LMO3: variants seen among roughly 807,000 people sequenced by gnomAD.
LMO3 encodes LIM domain only protein 3.
In LMO3, 2 loss-of-function variants were observed where a neutral mutation model predicts 15.8. The ratio of observed to expected loss-of-function variants is 0.13; its 90% CI spans 0.05 to 0.40. The LOEUF (loss-of-function observed/expected upper bound fraction) is 0.40. Ranked by LOEUF, LMO3 falls within the 10% of genes least tolerant of loss-of-function variation. The pLI is 0.99. For missense variants in LMO3, 86 were observed against 182.2 expected, an observed-to-expected ratio of 0.47 and a Z score of 3.04; for synonymous variants, 62 against 63.8, an observed-to-expected ratio of 0.97 and a Z score of 0.13.
intron 3 of LMO3, among the ~76,000 whole-genome samples, chr12:16,553,059 A>C (rs529487553): frequency 6.6e-6 from 1 of 152,122 alleles, no homozygotes; most frequent in Non-Finnish European, 1.5e-5. Context: ...TCTTACCTCA[A>C]TGTTTGAAAC....
In LMO3 at chr12:16,584,251, T is replaced by C. The variant is rs1206641826; in HGVS notation, c.206+16404A>G. On this transcript the variant is annotated intron_variant, in intron 2 of 3. Coordinates refer to ENST00000537304, the MANE Select transcript of LMO3 (RefSeq NM_018640.5). This position sits in a 1 kb window ranked among gnomAD's most constrained non-coding sequence, Gnocchi z 5.2. ...TGGGGAGAGTTATGTGTATCTAAGA[T>C]TGCCAGTTTCTCCTCTTGGCTTCAT... is the stretch of plus-strand genomic sequence containing the variant. 6.6e-6 allele frequency among the ~76,000 whole-genome samples: 1 copy of C among 152,160 alleles called. No individual in the cohort carries two copies. The highest frequency in any genetic ancestry group is 2.4e-5 in the African/African-American group (1 of 41,452).
chr12:16,606,444 G>A (rs1296198073), upstream of LMO3: 2 of 152,384 alleles, frequency 1.3e-5, no homozygotes, highest in African/African-American at 4.8e-5. Flanking sequence ...AGGTCACTCA[G>A]TTATTAGTGA....
At chr12:16,578,818 A>AAACAACAACAACAAC (rs201327858) in intron 2 of LMO3, among the ~76,000 whole-genome samples, 11 of 141,044 alleles carry the variant, frequency 7.8e-5, no homozygotes, top group African/African-American at 2.5e-4. Context: ...ATTCTGTCTC[A>AAACAACAACAACAAC]AACAACAACA....
intron 3 of LMO3, among the ~76,000 whole-genome samples, chr12:16,553,815 G>A (rs980793902): frequency 1.1e-4 from 16 of 151,434 alleles, no homozygotes; most frequent in Non-Finnish European, 2.2e-4. Context: ...TGTAAGAAAT[G>A]CTAATTTCCA....
intron 2 of LMO3, among the ~76,000 whole-genome samples, chr12:16,565,066 AGT>A (rs1181756770): frequency 2.6e-5 from 4 of 152,188 alleles, no homozygotes; most frequent in African/African-American, 9.7e-5. Flanking sequence ...ATCAAATTAT[AGT>A]GTGAGCCACT....
intron 2 of LMO3, among the ~76,000 whole-genome samples, chr12:16,577,702 A>AT (rs1943037807): frequency 1.3e-5 from 2 of 152,200 alleles, no homozygotes; most frequent in South Asian, 2.1e-4. Flanking sequence ...CTAGAGGAGA[A>AT]TTTTTTTCCT....
chr12:16,598,008 T>C lies in LMO3; in HGVS notation c.206+2647A>G, dbSNP rs1943710797. 6.6e-6 allele frequency: 1 copy of C among 152,032 alleles called. No individual in the cohort carries two copies. Among genetic ancestry groups the C allele is most frequent in the Non-Finnish European group, 1.5e-5 (1 of 67,932 alleles). 9.4% of individuals were successfully genotyped at this position (152,032 alleles called of 1,614,324 possible). ...AGCTAATTTCACCCATTGCCTGAAA[T>C]CATACCTCTCACACAGTAAGCATTT... On this transcript the variant is annotated intron_variant, in intron 2 of 3. Coordinates refer to ENST00000537304, the MANE Select transcript of LMO3 (RefSeq NM_018640.5). The surrounding 1 kb of genome is among the most constrained non-coding windows in gnomAD (Gnocchi z 4.3).
intron 2 of LMO3, among the ~76,000 whole-genome samples, chr12:16,577,583 C>T (rs188776045): frequency 2.3e-4 from 35 of 152,156 alleles, no homozygotes; most frequent in Middle Eastern, 6.8e-3. Flanking sequence ...TAAGAATTTC[C>T]CCTGTTCACA....
chr12:16,570,469 A>G (rs1014874375), intron 2 of LMO3, among the ~76,000 whole-genome samples: 1 of 151,848 alleles, frequency 6.6e-6, no homozygotes, highest in Non-Finnish European at 1.5e-5. Context: ...AAAGAAAAAT[A>G]AAGAAAATGA....
Position 16,593,206 on chromosome 12 carries a change from T to C in LMO3, c.206+7449A>G, listed in dbSNP as rs572752962. ...GGACGATGCTTCACTGCATTAGTGA[T>C]AACAATTTTACTTAAATATTGCTTT... On this transcript the variant is annotated intron_variant, in intron 2 of 3. Coordinates refer to ENST00000537304, the MANE Select transcript of LMO3 (RefSeq NM_018640.5). This position sits in a 1 kb window ranked among gnomAD's most constrained non-coding sequence, Gnocchi z 4.2. Among the ~76,000 whole-genome samples the C allele has an allele frequency of 6.6e-6, 1 of 152,038 alleles. No individual in the cohort carries two copies. The highest frequency in any genetic ancestry group is 6.6e-5 in the Admixed American group (1 of 15,248).
intron 2 of LMO3, among the ~76,000 whole-genome samples, chr12:16,575,256 A>G (rs1192506605): frequency 2.0e-5 from 3 of 152,162 alleles, no homozygotes; most frequent in Non-Finnish European, 4.4e-5. Flanking sequence ...AGCTTTGTTT[A>G]TCTTCAAAAA....
rs999222670 is a variant in LMO3, at chr12:16,576,263, G to C, written c.207-15725C>G. Among the ~76,000 whole-genome samples, 3 of 152,056 alleles carry C rather than the reference G, an allele frequency of 2.0e-5. No individual in the cohort carries two copies. The highest frequency in any genetic ancestry group is 4.4e-5 in the Non-Finnish European group (3 of 68,014). ...CTACTGTATGCAGGATAGATGCAGG[G>C]AAGCATGAAAGGTCCATCCTGTCTG... On this transcript the variant is annotated intron_variant, in intron 2 of 3. Transcript: ENST00000537304. The surrounding 1 kb of genome is among the most constrained non-coding windows in gnomAD (Gnocchi z 4.1).
chr12:16,590,690 G>A (rs1943465946), intron 2 of LMO3, among the ~76,000 whole-genome samples: 1 of 151,972 alleles, frequency 6.6e-6, no homozygotes, highest in African/African-American at 2.4e-5. Flanking sequence ...TGTGTTGGCA[G>A]TCCTAGCTCA....
At chr12:16,583,931 A>C (rs1377735890) in intron 2 of LMO3, among the ~76,000 whole-genome samples, 1 of 152,216 alleles carries the variant, frequency 6.6e-6, no homozygotes, top group Non-Finnish European at 1.5e-5. Flanking sequence ...GTCTGAAATC[A>C]AAGATCAGTG....
intron 2 of LMO3, among the ~76,000 whole-genome samples, chr12:16,564,748 T>C (rs1371757976): frequency 6.6e-6 from 1 of 152,186 alleles, no homozygotes; most frequent in African/African-American, 2.4e-5. Flanking sequence ...ATCAGATCAG[T>C]AGTCAAGCAA....
rs544756652 is a variant in LMO3 at position 16,587,908 on chromosome 12, T to C, written c.206+12747A>G. Among the ~76,000 whole-genome samples, 2 of 152,246 alleles carry C rather than the reference T, an allele frequency of 1.3e-5. No individual in the cohort carries two copies. The highest frequency in any genetic ancestry group is 4.1e-4 in the South Asian group (2 of 4,830). The stretch of plus-strand genomic sequence containing the variant: ...TCCACAAGCATTGCTACATTTCTCA[T>C]GAAAGAAAACCTTGATTTAATTTTA... On this transcript the variant is annotated intron_variant, in intron 2 of 3. Transcript: ENST00000537304. This position sits in a 1 kb window ranked among gnomAD's most constrained non-coding sequence, Gnocchi z 4.3.
Position 16,603,437 on chromosome 12 carries a change from A to C in LMO3, c.-8-2569T>G, listed in dbSNP as rs1264946204. On this transcript the variant is annotated intron_variant, in intron 1 of 3. Coordinates refer to ENST00000537304, the MANE Select transcript of LMO3 (RefSeq NM_018640.5). The surrounding 1 kb of genome is among the most constrained non-coding windows in gnomAD (Gnocchi z 4.9). ...GTCTCCCCTCTTCCACCAGAAGAAC[A>C]TGTCTGGGTAGAGTTACGTGTTTGT... Among the ~76,000 whole-genome samples the C allele has an allele frequency of 6.6e-6, 1 of 152,178 alleles. No individual in the cohort carries two copies. The highest frequency in any genetic ancestry group is 1.5e-5 in the Non-Finnish European group (1 of 68,034).
chr12:16,605,685 C>G, intron 1 of LMO3: 1 of 1,325,110 alleles, frequency 7.5e-7, no homozygotes, highest in Non-Finnish European at 1.0e-6. Flanking sequence ...CAAACTCTCC[C>G]TGCCCCTCTC....
chr12:16,581,073 A>G (rs1943144161), intron 2 of LMO3, among the ~76,000 whole-genome samples: 1 of 152,222 alleles, frequency 6.6e-6, no homozygotes, highest in South Asian at 2.1e-4. Flanking sequence ...GTAAATAGTT[A>G]GGTACAAGAA....
Sources: gnomAD v4.1 joint callset for allele counts (sites outside exome capture counted in the v4.1 genomes callset) on GRCh38, gnomAD v4.1.1 for gene constraint, Gnocchi (gnomAD v3.1) non-coding constraint, MANE v1.5 for transcripts, NCBI Gene and HGNC (gene_info 2026-07-23, HGNC 2026-07-21) for gene names.